The following DNMBP variants were observed in gnomAD, a reference collection of about 807,000 sequenced individuals.
DNMBP encodes dynamin-binding protein.
In DNMBP, 87 loss-of-function variants were observed where a neutral mutation model predicts 150.0. The ratio of observed to expected loss-of-function variants is 0.58; its 90% CI spans 0.49 to 0.69. The LOEUF (loss-of-function observed/expected upper bound fraction) is 0.69. DNMBP is among the 30% of genes least tolerant of loss of function. The pLI is 0.00. For missense variants in DNMBP, 1,774 were observed against 1,949.0 expected (o/e 0.91, Z 1.69); for synonymous variants, 711 against 750.4 (o/e 0.95, Z 0.86).
chr10:99,984,401 C>A (rs2040809292), intron 1 of DNMBP, among the ~76,000 whole-genome samples: 1 of 152,182 alleles, frequency 6.6e-6, no homozygotes, highest in South Asian at 2.1e-4. Flanking sequence ...AGCTGAGCAA[C>A]ATATTAAAAT....
chr10:99,903,381 TG>T (rs2039775476), intron 6 of DNMBP, among the ~76,000 whole-genome samples: 2 of 152,030 alleles, frequency 1.3e-5, no homozygotes, highest in South Asian at 4.2e-4. Context: ...TCACCCAGAT[TG>T]GAGTGCACTG....
At chr10:99,913,600 C>T (rs1456715276) in intron 4 of DNMBP, among the ~76,000 whole-genome samples, 1 of 152,108 alleles carries the variant, frequency 6.6e-6, no homozygotes, top group African/African-American at 2.4e-5. Context: ...TGTGATAAAA[C>T]AATTAGTTGT....
chr10:99,891,207 C>G (rs2039553573), intron 11 of DNMBP, among the ~76,000 whole-genome samples: 1 of 147,400 alleles, frequency 6.8e-6, no homozygotes, highest in African/African-American at 2.5e-5. Context: ...GTCTCCCTCT[C>G]TTTCCACGGT....
chr10:99,911,840 T>C (rs2039904108), intron 4 of DNMBP, among the ~76,000 whole-genome samples: 1 of 152,356 alleles, frequency 6.6e-6, no homozygotes, highest in Non-Finnish European at 1.5e-5. Flanking sequence ...TTGTGTTACA[T>C]ATAAAATTTA....
chr10:99,938,754 G>T (rs2133300704), intron 4 of DNMBP, among the ~76,000 whole-genome samples: 1 of 152,306 alleles, frequency 6.6e-6, no homozygotes, highest in Non-Finnish European at 1.5e-5. Flanking sequence ...CCATTTTTGA[G>T]TAATAAATCT....
At position 99,978,197 on chromosome 10, in the gene DNMBP, G is replaced by A. The variant is rs80210653; in HGVS notation, c.-10-6063C>T. On this transcript the variant is annotated intron_variant, in intron 1 of 16. Transcript: ENST00000324109. ...CTGACAAATAGCTAAACCAGAACCC[G>A]AATTCAGGCCTGTTTGATTCCCATG... 5.6e-3 allele frequency among the ~76,000 whole-genome samples: 849 copies of A among 152,250 alleles called. 16 individuals carry two copies. Among genetic ancestry groups the A allele is most frequent in the African/African-American group, 0.02 (816 of 41,534 alleles).
chr10:99,885,715 T>C lies in DNMBP; in HGVS notation c.3770A>G (p.Gln1257Arg). ...KPFERKTIDR[Q>R]SARKPLLGLP... The stretch of plus-strand genomic sequence containing the variant: ...GCCCAGGAGTGGCTTTCGAGCAGAC[T>C]GGCGGTCAATGGTTTTCCTCTCAAA... The change falls in exon 14 of 17, where the codon CAG (glutamine) becomes CGG (arginine). Residue 1257 changes from glutamine to arginine, a missense_variant. Around this residue, in one of 2 missense-constraint regions of DNMBP, gnomAD observed 1,430 missense variants for 1,492.5 expected, o/e 0.96. Transcript: ENST00000324109. 6.3e-7 allele frequency: 1 copy of C among 1,581,074 alleles called. No homozygotes were observed. Among genetic ancestry groups the C allele is most frequent in the Non-Finnish European group, 8.6e-7 (1 of 1,161,332 alleles).
At chr10:99,900,223 A>G (rs983984813) in intron 6 of DNMBP, among the ~76,000 whole-genome samples, 157 bp from the exon 7 acceptor site, 1 of 152,222 alleles carries the variant, frequency 6.6e-6, no homozygotes, top group East Asian at 1.9e-4. Flanking sequence ...ACTTCCATCT[A>G]ACAGCTTAAA....
At chr10:99,984,930 C>G (rs1186480506) in intron 1 of DNMBP, among the ~76,000 whole-genome samples, 1 of 152,102 alleles carries the variant, frequency 6.6e-6, no homozygotes, top group African/African-American at 2.4e-5. Context: ...TGTGTACAGA[C>G]AGGATTTCAT....
chr10:99,937,695 C>T (rs561327430), intron 4 of DNMBP, among the ~76,000 whole-genome samples: 1 of 152,318 alleles, frequency 6.6e-6, no homozygotes, highest in Admixed American at 6.5e-5. Context: ...GCCGACCAAC[C>T]CTGCCCTCAG....
chr10:99,931,151 C>A (rs2040152518), intron 4 of DNMBP, among the ~76,000 whole-genome samples: 1 of 152,170 alleles, frequency 6.6e-6, no homozygotes, highest in African/African-American at 2.4e-5. Context: ...AGAAACAGCA[C>A]CCCTTTAGAA....
At chr10:99,904,253 GAAAA>G (rs374682243) in intron 6 of DNMBP, among the ~76,000 whole-genome samples, 1 of 148,312 alleles carries the variant, frequency 6.7e-6, no homozygotes, top group Admixed American at 6.7e-5. Flanking sequence ...AGACTGTCTC[GAAAA>G]AAAAAGGAAA....
In DNMBP at chr10:99,955,991, A is replaced by G. The variant is rs2133331281; in HGVS notation, c.1483T>C (p.Ser495Pro). ...SASRVVKPRQSSPQLHNLASY... is the reference protein window; with the variant it reads ...SASRVVKPRQPSPQLHNLASY... The stretch of plus-strand genomic sequence containing the variant: ...GCTAGGTTGTGGAGCTGAGGACTTG[A>G]TTGTCTGGGTTTGACTACCCTTGAA... Residue 495 changes from serine (S) to proline (P), a missense_variant, in exon 4 of 17, where the codon TCA (serine) becomes CCA (proline). Around this residue, in one of 2 missense-constraint regions of DNMBP, gnomAD observed 1,430 missense variants for 1,492.5 expected, o/e 0.96. Coordinates refer to ENST00000324109, the MANE Select transcript of DNMBP (RefSeq NM_015221.4). 1 of 1,614,084 alleles carries G rather than the reference A, an allele frequency of 6.2e-7. No individual in the cohort carries two copies.
chr10:99,977,113 C>G (rs2040736093), intron 1 of DNMBP, among the ~76,000 whole-genome samples: 1 of 152,122 alleles, frequency 6.6e-6, no homozygotes, highest in Admixed American at 6.6e-5. Flanking sequence ...GAATCTGGCT[C>G]AATAAATACT....
chr10:99,880,075 C>T lies in DNMBP; in HGVS notation c.4284G>A (p.Glu1428=). ...LSASLNPSNS[E]SSPSRCPSDP... ...CTGAAGGGCATCTGGAAGGACTACT[C>T]TCTGAATTACTCGGATTTAGGGATG... The change falls in exon 16 of 17, where the codon GAG becomes GAA. Residue 1428 remains glutamate (E), a synonymous_variant. Coordinates refer to ENST00000324109, the MANE Select transcript of DNMBP (RefSeq NM_015221.4). 1.2e-6 allele frequency: 2 copies of T among 1,614,158 alleles called. No homozygotes were observed. The highest frequency in any genetic ancestry group is 2.2e-5 in the South Asian group (2 of 91,086).
intron 11 of DNMBP, among the ~76,000 whole-genome samples, chr10:99,894,288 G>C (rs1264837707): frequency 6.6e-6 from 1 of 152,154 alleles, no homozygotes; most frequent in African/African-American, 2.4e-5. Context: ...CAGAGGGACA[G>C]GAGTATCCAG....
At chr10:99,990,810 C>CACATATATACACAT (rs2040881337) in intron 1 of DNMBP, among the ~76,000 whole-genome samples, 1 of 146,726 alleles carries the variant, frequency 6.8e-6, no homozygotes, top group East Asian at 2.0e-4. Context: ...CATATATACA[C>CACATATATACACAT]ATATATATAT....
intron 14 of DNMBP, 36 bp downstream of exon 14, chr10:99,885,651 C>A: frequency 2.6e-6 from 4 of 1,533,160 alleles, no homozygotes; most frequent in South Asian, 2.4e-5. Flanking sequence ...CCTCTTTACC[C>A]CGAGGCGGGG....
At chr10:99,941,468 C>CA (rs1241786894) in intron 4 of DNMBP, among the ~76,000 whole-genome samples, 6 of 151,606 alleles carry the variant, frequency 4.0e-5, no homozygotes, top group African/African-American at 1.5e-4. Flanking sequence ...TGACTCTTCT[C>CA]AATTTTTTTT....
Sources: allele counts gnomAD v4.1 joint callset (sites outside exome capture counted in the v4.1 genomes callset), GRCh38; gene constraint gnomAD v4.1.1; regional missense constraint gnomAD v4.1.1; transcripts MANE v1.5; gene names NCBI Gene and HGNC (gene_info 2026-07-23, HGNC 2026-07-21).